Variants in CLCN5 observed in about 807,000 individuals in gnomAD.
The protein encoded by CLCN5 is H(+)/Cl(-) exchange transporter 5.
Under a neutral mutation model 54.0 loss-of-function variants are expected in CLCN5, and 17 were observed. That is an observed-to-expected ratio of 0.31 (90% CI 0.22 to 0.47). The LOEUF is 0.47. CLCN5 is among the 20% of genes least tolerant of loss of function. CLCN5 has a pLI of 1.00. For missense variants in CLCN5, 448 were observed against 646.7 expected, an observed-to-expected ratio of 0.69 and a Z score of 3.33; for synonymous variants, 222 against 233.0, an observed-to-expected ratio of 0.95 and a Z score of 0.43.
chrX:50,017,078 C>G (rs1259495264), intron 3 of CLCN5, among the ~76,000 whole-genome samples: 1 of 111,778 alleles, frequency 8.9e-6, no homozygotes, highest in East Asian at 2.8e-4. Context: ...ATGAATAAAG[C>G]TGCTATAAAC....
intron 3 of CLCN5, chrX:50,009,173 A>G (rs1930361026): frequency 1.2e-5 from 3 of 260,458 alleles, no homozygotes; most frequent in Non-Finnish European, 2.3e-5. Flanking sequence ...TGGGCTCTGT[A>G]GAGGGCACCT....
chrX:50,026,492 C>T (rs1483763255), intron 3 of CLCN5, among the ~76,000 whole-genome samples: 2 of 111,519 alleles, frequency 1.8e-5, no homozygotes, highest in Non-Finnish European at 3.8e-5. Context: ...TATAATAGTA[C>T]ATTCATCTAT....
rs1477564505 is a variant in CLCN5, at chrX:50,094,651, A to G, written c.*2432A>G. 8.9e-6 allele frequency: 1 copy of G among 112,640 alleles called. No homozygotes were observed. The highest frequency in any genetic ancestry group is 3.2e-5 in the African/African-American group (1 of 30,930). 9.3% of individuals were successfully genotyped at this position (112,640 alleles called of 1,213,427 possible). The stretch of plus-strand genomic sequence containing the variant: ...TAGAGAAATCAGATAACACTGTGCC[A>G]AGGTATACTTTGTAGATGCTAAGCA... On this transcript the variant is annotated 3_prime_UTR_variant, in exon 15 of 15. Transcript: ENST00000376091.
chrX:50,069,765 A>C (rs1298904433), intron 4 of CLCN5, 114 bp from the exon 5 acceptor site: 1 of 1,076,258 alleles, frequency 9.3e-7, no homozygotes, highest in African/African-American at 1.9e-5. Flanking sequence ...TTCTTTATCA[A>C]CCCCAACTGT....
intron 3 of CLCN5, among the ~76,000 whole-genome samples, chrX:49,952,456 C>A (rs1557173178): frequency 9.1e-6 from 1 of 110,031 alleles, no homozygotes; most frequent in African/African-American, 3.3e-5. Flanking sequence ...GAAGGACTCT[C>A]CAGTCTATAT....
intron 3 of CLCN5, among the ~76,000 whole-genome samples, chrX:49,994,501 T>G (rs936491111): frequency 5.5e-5 from 6 of 110,010 alleles, no homozygotes; most frequent in African/African-American, 1.7e-4. Context: ...GGGAGTCATC[T>G]TATGTCAGAT....
At chrX:49,931,984 T>G (rs966254214) in intron 3 of CLCN5, among the ~76,000 whole-genome samples, 14 of 110,732 alleles carry the variant, frequency 1.3e-4, no homozygotes, top group African/African-American at 4.6e-4. Flanking sequence ...GGTAGGATCT[T>G]GGCTCACTGT....
intron 3 of CLCN5, among the ~76,000 whole-genome samples, chrX:49,935,655 A>C (rs1443244840): frequency 8.9e-6 from 1 of 111,861 alleles, no homozygotes; most frequent in Non-Finnish European, 1.9e-5. Flanking sequence ...TGAGACCTGA[A>C]AGATGAGGAG....
chrX:50,086,529 TTTATCC>T lies in CLCN5; in HGVS notation c.1217_1222del (p.Phe406_Arg408delinsCys). 8.3e-7 allele frequency: 1 copy of T among 1,211,092 alleles called. No individual in the cohort carries two copies. The highest frequency in any genetic ancestry group is 1.1e-6 in the Non-Finnish European group (1 of 895,390). ...ATTTGGTGGTCTGTGGGGAGCACTG[TTTATCC>T]GCACAAACATTGCCTGGTGTCGGAA... On this transcript the variant is annotated inframe_deletion, in exon 11 of 15. Coordinates refer to ENST00000376091, the MANE Select transcript of CLCN5 (RefSeq NM_001127898.4).
At chrX:50,074,917 C>T (rs1347070818) in intron 6 of CLCN5, among the ~76,000 whole-genome samples, 1 of 111,849 alleles carries the variant, frequency 8.9e-6, no homozygotes, top group Admixed American at 9.5e-5. Context: ...AGAGTTTCTT[C>T]ATCTGGATGA....
chrX:50,063,750 A>G (rs1442292802), intron 4 of CLCN5, among the ~76,000 whole-genome samples: 21 of 110,537 alleles, frequency 1.9e-4, no homozygotes, highest in African/African-American at 5.6e-4. Flanking sequence ...CATCGATGCA[A>G]AAATCCTCAA....
intron 3 of CLCN5, among the ~76,000 whole-genome samples, chrX:49,953,595 C>A (rs1341858383): frequency 1.8e-5 from 2 of 111,891 alleles, no homozygotes; most frequent in Non-Finnish European, 3.8e-5. Context: ...TGTGAGCCAC[C>A]GTGCCCAGCC....
At chrX:50,031,607 G>A (rs1439475396) in intron 3 of CLCN5, among the ~76,000 whole-genome samples, 1 of 111,538 alleles carries the variant, frequency 9.0e-6, no homozygotes, top group African/African-American at 3.3e-5. Context: ...CTGAGAACTA[G>A]TAGAATATGT....
intron 4 of CLCN5, among the ~76,000 whole-genome samples, chrX:50,068,984 G>T (rs1557191241): frequency 8.9e-6 from 1 of 111,815 alleles, no homozygotes; most frequent in Admixed American, 9.5e-5. Flanking sequence ...TAGCTTGTGA[G>T]TTTAAAACTT....
At chrX:49,949,016 A>G (rs1926898383) in intron 3 of CLCN5, among the ~76,000 whole-genome samples, 1 of 112,234 alleles carries the variant, frequency 8.9e-6, no homozygotes, top group Non-Finnish European at 1.9e-5. Flanking sequence ...ATGAGAGTGT[A>G]TCATTGCATG....
rs1934073895 is a variant in CLCN5 at position 50,090,870 on chromosome X, C to T, written c.2344C>T (p.Leu782=). 1 of 1,204,431 alleles carries T rather than the reference C, an allele frequency of 8.3e-7. No homozygotes were observed. Among genetic ancestry groups the T allele is most frequent in the Non-Finnish European group, 1.1e-6 (1 of 890,465 alleles). The change falls in exon 14 of 15, where the codon CTG becomes TTG. Residue 782 remains leucine (L), a synonymous_variant. Transcript: ENST00000376091. ...CCGAAAGCTGGGACTGCGGCAGTGC[C>T]TGGTTACACACAACGGGTAAGAAGT... ...IFRKLGLRQC[L]VTHNGRLLGI...
chrX:50,043,155 A>G (rs1024265651), intron 4 of CLCN5, among the ~76,000 whole-genome samples: 1 of 112,034 alleles, frequency 8.9e-6, no homozygotes, highest in African/African-American at 3.2e-5. Flanking sequence ...TCCTCTTTCT[A>G]TAATTGGATT....
At chrX:49,947,344 A>G (rs1557172312) in intron 3 of CLCN5, among the ~76,000 whole-genome samples, 1 of 110,401 alleles carries the variant, frequency 9.1e-6, no homozygotes, top group Non-Finnish European at 1.9e-5. Context: ...AGATGATTTG[A>G]ATTTGGGTGC....
intron 3 of CLCN5, among the ~76,000 whole-genome samples, chrX:49,966,249 G>C (rs1052033120): frequency 1.8e-5 from 2 of 111,563 alleles, no homozygotes; most frequent in Non-Finnish European, 3.8e-5. Context: ...TTTTTTAATA[G>C]ATGTAGTATA....
Sources: gnomAD v4.1 joint callset for allele counts (sites outside exome capture counted in the v4.1 genomes callset) on GRCh38, gnomAD v4.1.1 for gene constraint, MANE v1.5 for transcripts, NCBI Gene and HGNC (gene_info 2026-07-23, HGNC 2026-07-21) for gene names.